Variants in GLCCI1 observed in about 807,000 individuals in gnomAD.
GLCCI1 encodes glucocorticoid-induced transcript 1 protein.
GLCCI1 carries 24 observed loss-of-function variants against 52.2 expected under a neutral mutation model. That is an observed-to-expected ratio of 0.46 (90% CI 0.33 to 0.65). GLCCI1 has a LOEUF of 0.65. Ranked by LOEUF, GLCCI1 falls within the 30% of genes least tolerant of loss-of-function variation. The probability of loss-of-function intolerance (pLI) is 0.02; values close to 1 mark genes in which losing one functional copy is unlikely to be tolerated. For synonymous variants in GLCCI1, 310 were observed against 276.5 expected (o/e 1.12, Z -1.20); for missense variants, 704 against 701.5 (o/e 1.00, Z -0.04).
At chr7:8,048,210 A>G (rs145220121) in intron 3 of GLCCI1, among the ~76,000 whole-genome samples, 1 of 152,108 alleles carries the variant, frequency 6.6e-6, no homozygotes, top group African/African-American at 2.4e-5. Flanking sequence ...TGTTCTGCAC[A>G]TCTCTTACCT....
chr7:8,085,961 C>T (rs1783097134), intron 7 of GLCCI1, among the ~76,000 whole-genome samples: 2 of 152,168 alleles, frequency 1.3e-5, no homozygotes, highest in African/African-American at 2.4e-5. Flanking sequence ...TAAATATTTG[C>T]CTTCCTGGTT....
Position 8,071,045 on chromosome 7 carries a change from C to T in GLCCI1, c.1091C>T (p.Ser364Leu). The T allele has an allele frequency of 6.2e-7, 1 of 1,614,204 alleles. No homozygotes were observed. The highest frequency in any genetic ancestry group is 8.5e-7 in the Non-Finnish European group (1 of 1,180,028). The part of the protein sequence containing the change: ...QERSSSCSSH[S>L]PCVSPFCPPE... ...CGCAGCAGTAGCTGCAGCAGTCATT[C>T]ACCCTGTGTCTCCCCTTTTTGTCCC... is the stretch of plus-strand genomic sequence containing the variant. Residue 364 changes from serine (S) to leucine (L), a missense_variant, in exon 6 of 8, where the codon TCA becomes TTA. Transcript: ENST00000223145.
chr7:7,989,057 G>A (rs1780789864), intron 1 of GLCCI1, among the ~76,000 whole-genome samples: 1 of 152,152 alleles, frequency 6.6e-6, no homozygotes, highest in African/African-American at 2.4e-5. Context: ...GTAGAGCCAT[G>A]AGATGAATGA....
chr7:7,981,084 A>T (rs1780603938), intron 1 of GLCCI1: 1 of 471,276 alleles, frequency 2.1e-6, no homozygotes, highest in Non-Finnish European at 4.1e-6. Flanking sequence ...TGGGAGACCT[A>T]CCTGATGCAG....
chr7:8,053,786 G>A (rs1240864304), intron 3 of GLCCI1, among the ~76,000 whole-genome samples: 1 of 152,020 alleles, frequency 6.6e-6, no homozygotes, highest in Non-Finnish European at 1.5e-5. Flanking sequence ...AATTCCCACG[G>A]GATTGTAAAC....
At chr7:8,014,529 T>C (rs1426533124) in intron 2 of GLCCI1, among the ~76,000 whole-genome samples, 1 of 152,228 alleles carries the variant, frequency 6.6e-6, no homozygotes, top group African/African-American at 2.4e-5. Flanking sequence ...CAATGAGTTC[T>C]TAATTTTTTT....
At chr7:8,082,114 G>T (rs551550453) in intron 6 of GLCCI1, among the ~76,000 whole-genome samples, 22 of 152,204 alleles carry the variant, frequency 1.4e-4, no homozygotes, top group Non-Finnish European at 2.6e-4. Flanking sequence ...TCCTGAGCAG[G>T]CATATTTATA....
chr7:8,015,566 C>G (rs2127946522), intron 2 of GLCCI1, among the ~76,000 whole-genome samples: 1 of 152,260 alleles, frequency 6.6e-6, no homozygotes, highest in East Asian at 1.9e-4. Context: ...TTTCTCTCAG[C>G]CATCATCTAA....
intron 1 of GLCCI1, among the ~76,000 whole-genome samples, chr7:7,996,679 T>C (rs962597476): frequency 6.6e-6 from 1 of 152,212 alleles, no homozygotes; most frequent in Non-Finnish European, 1.5e-5. Context: ...TTTTGGTTTG[T>C]TTGTTTTTCC....
At chr7:7,977,221 G>A (rs903722357) in intron 1 of GLCCI1, among the ~76,000 whole-genome samples, 1 of 152,140 alleles carries the variant, frequency 6.6e-6, no homozygotes, top group African/African-American at 2.4e-5. Flanking sequence ...AACTCCTTGT[G>A]GCTTGATTAG....
At chr7:8,006,863 T>G (rs902580224) in intron 2 of GLCCI1, among the ~76,000 whole-genome samples, 13 of 152,238 alleles carry the variant, frequency 8.5e-5, no homozygotes, top group Non-Finnish European at 1.9e-4. Context: ...TACTTTAAGC[T>G]GGCTTTACAC....
chr7:8,084,024 G>C (rs1172235015), intron 6 of GLCCI1, among the ~76,000 whole-genome samples: 2 of 152,106 alleles, frequency 1.3e-5, no homozygotes, highest in Non-Finnish European at 2.9e-5. Context: ...TTAGCAGTGG[G>C]GATAGGTTTG....
chr7:7,987,602 A>G (rs1018578307), intron 1 of GLCCI1, among the ~76,000 whole-genome samples: 10 of 151,968 alleles, frequency 6.6e-5, no homozygotes, highest in Non-Finnish European at 1.3e-4. Flanking sequence ...TTATTGATTG[A>G]TGATTGACAG....
chr7:8,032,293 C>G (rs1292150749), intron 3 of GLCCI1, among the ~76,000 whole-genome samples: 1 of 151,918 alleles, frequency 6.6e-6, no homozygotes, highest in African/African-American at 2.4e-5. Flanking sequence ...ACTTTTAAAT[C>G]CACATATCAG....
chr7:7,992,898 T>A (rs999011071), intron 1 of GLCCI1, among the ~76,000 whole-genome samples: 1 of 152,114 alleles, frequency 6.6e-6, no homozygotes, highest in African/African-American at 2.4e-5. Context: ...CTTTTCTAAG[T>A]TTTTCCTGAG....
chr7:8,078,076 T>C (rs2127967445), intron 6 of GLCCI1, among the ~76,000 whole-genome samples: 1 of 151,480 alleles, frequency 6.6e-6, no homozygotes, highest in East Asian at 1.9e-4. Flanking sequence ...CTACTAAAAA[T>C]ACAAAAAATG....
In GLCCI1 at chr7:8,080,105, A is replaced by G. The variant is rs1013963192; in HGVS notation, c.1178-4792A>G. ...GGCTTTTTAATACAATTGGTAATAC[A>G]ACCTGATTCTTAAAGTTCATTGCCA... On this transcript the variant is annotated intron_variant, in intron 6 of 7. Coordinates refer to ENST00000223145, the MANE Select transcript of GLCCI1 (RefSeq NM_138426.4). 4.6e-5 allele frequency among the ~76,000 whole-genome samples: 7 copies of G among 151,740 alleles called. No individual in the cohort carries two copies. In the East Asian group the frequency reaches 1.3e-3, roughly 29 times the overall value.
chr7:7,982,131 C>A, intron 1 of GLCCI1: 4 of 385,766 alleles, frequency 1.0e-5, no homozygotes, highest in Non-Finnish European at 1.5e-5. Flanking sequence ...AGTCACAAAT[C>A]CAAATACCAG....
At chr7:8,014,281 G>A (rs1392284061) in intron 2 of GLCCI1, among the ~76,000 whole-genome samples, 1 of 152,168 alleles carries the variant, frequency 6.6e-6, no homozygotes, top group Non-Finnish European at 1.5e-5. Context: ...ACAGATGTGA[G>A]CCACTGTACC....
Sources: allele counts gnomAD v4.1 joint callset (sites outside exome capture counted in the v4.1 genomes callset), GRCh38; gene constraint gnomAD v4.1.1; transcripts MANE v1.5; gene names NCBI Gene and HGNC (gene_info 2026-07-23, HGNC 2026-07-21).